Variants in SLIT2 observed in about 807,000 individuals in gnomAD.
SLIT2 encodes slit homolog 2 protein.
A neutral mutation model predicts 185.7 loss-of-function variants in SLIT2; 41 were observed. The observed-to-expected ratio is 0.22, with a 90% CI of 0.17 to 0.29. SLIT2 has a LOEUF of 0.29. Among genes scored for constraint, SLIT2 ranks in the 10% least tolerant of loss-of-function variants. The probability of loss-of-function intolerance (pLI) is 1.00; values close to 1 mark genes in which losing one functional copy is unlikely to be tolerated. For synonymous variants in SLIT2, 693 were observed against 680.2 expected, an observed-to-expected ratio of 1.02 and a Z score of -0.29; for missense variants, 1,571 against 1,909.0, an observed-to-expected ratio of 0.82 and a Z score of 3.30.
chr4:20,255,228 C>T (rs1229944207), intron 1 of SLIT2, among the ~76,000 whole-genome samples: 1 of 152,178 alleles, frequency 6.6e-6, no homozygotes, highest in African/African-American at 2.4e-5. Flanking sequence ...CGCTCTGACC[C>T]GCACGTCTCC....
chr4:20,514,537 C>CA (rs1720028142), intron 11 of SLIT2, among the ~76,000 whole-genome samples: 4 of 152,080 alleles, frequency 2.6e-5, no homozygotes, highest in Non-Finnish European at 4.4e-5. Context: ...CCCAGCTACT[C>CA]GGAGAGTTGA....
chr4:20,442,543 A>AAG (rs1491362484), intron 4 of SLIT2, among the ~76,000 whole-genome samples: 6 of 125,630 alleles, frequency 4.8e-5, no homozygotes, highest in African/African-American at 9.6e-5. Context: ...AAAAAAAAAA[A>AAG]GGGGGGGGAG....
chr4:20,280,511 TG>T (rs1714647464), intron 4 of SLIT2, among the ~76,000 whole-genome samples: 1 of 152,090 alleles, frequency 6.6e-6, no homozygotes, highest in African/African-American at 2.4e-5. Context: ...AGAGGGACCT[TG>T]CCCAATGTGT....
intron 4 of SLIT2, among the ~76,000 whole-genome samples, chr4:20,336,324 A>G (rs1720493450): frequency 6.6e-6 from 1 of 152,236 alleles, no homozygotes; most frequent in Non-Finnish European, 1.5e-5. Context: ...AATGTGGCAC[A>G]TATACACCAT....
intron 20 of SLIT2, 67 bp from the exon 21 acceptor site, chr4:20,542,427 A>G (rs974002174): frequency 4.9e-5 from 73 of 1,504,526 alleles, no homozygotes; most frequent in Non-Finnish European, 3.2e-5. Flanking sequence ...ATTTAAAGGC[A>G]TAAAATCCCT....
At chr4:20,584,942 C>A (rs1485437931) in intron 29 of SLIT2, among the ~76,000 whole-genome samples, 1 of 152,038 alleles carries the variant, frequency 6.6e-6, no homozygotes, top group Non-Finnish European at 1.5e-5. Context: ...GTAATCCCAG[C>A]TACTCAGGAG....
chr4:20,378,264 A>G (rs548489294), intron 4 of SLIT2, among the ~76,000 whole-genome samples: 4 of 152,320 alleles, frequency 2.6e-5, no homozygotes, highest in African/African-American at 9.6e-5. Context: ...CATAATAGAA[A>G]AAAATAATGT....
At chr4:20,551,602 C>T (rs978128585) in intron 25 of SLIT2, among the ~76,000 whole-genome samples, 2 of 152,120 alleles carry the variant, frequency 1.3e-5, no homozygotes, top group Non-Finnish European at 2.9e-5. Context: ...GTTCAGCCAG[C>T]AGCCTTAGGA....
chr4:20,340,958 C>T (rs576858315), intron 4 of SLIT2, among the ~76,000 whole-genome samples: 3 of 152,080 alleles, frequency 2.0e-5, no homozygotes, highest in Middle Eastern at 6.8e-3. Context: ...AAAAGAAAGA[C>T]GGAATGAGGA....
At chr4:20,381,913 T>TTA (rs375538520) in intron 4 of SLIT2, among the ~76,000 whole-genome samples, 3 of 129,928 alleles carry the variant, frequency 2.3e-5, no homozygotes, top group South Asian at 6.0e-4. Context: ...ACATATGTAT[T>TTA]TGTATAAATA....
intron 9 of SLIT2, among the ~76,000 whole-genome samples, chr4:20,495,550 T>C (rs559207060): frequency 1.3e-5 from 2 of 152,370 alleles, no homozygotes; most frequent in South Asian, 4.1e-4. Context: ...GATTTTCTTC[T>C]ACTTTGTATG....
At chr4:20,416,062 G>C (rs1184029132) in intron 4 of SLIT2, among the ~76,000 whole-genome samples, 1 of 152,104 alleles carries the variant, frequency 6.6e-6, no homozygotes, top group Non-Finnish European at 1.5e-5. Context: ...TAGATTTTAT[G>C]TGTATAAATC....
intron 11 of SLIT2, among the ~76,000 whole-genome samples, chr4:20,511,587 A>ATTTTTTTTTTTTTTTTTTTTTTTTT (rs759622666): frequency 6.1e-5 from 5 of 82,208 alleles, no homozygotes; most frequent in East Asian, 4.5e-4. Flanking sequence ...CATCCAGCTA[A>ATTTTTTTTTTTTTTTTTTTTTTTTT]TTTTTTTTTT....
At chr4:20,581,932 A>G (rs1249555778) in intron 29 of SLIT2, among the ~76,000 whole-genome samples, 1 of 152,168 alleles carries the variant, frequency 6.6e-6, no homozygotes, top group African/African-American at 2.4e-5. Context: ...TTTTTAGTAG[A>G]GACGGGGTTT....
chr4:20,270,322 A>G (rs1713471386), intron 4 of SLIT2, among the ~76,000 whole-genome samples: 1 of 151,900 alleles, frequency 6.6e-6, no homozygotes, highest in Non-Finnish European at 1.5e-5. Context: ...AATTTCCCCC[A>G]GTTTAAGGTG....
intron 29 of SLIT2, 55 bp downstream of exon 29, chr4:20,569,059 C>T: frequency 7.1e-7 from 1 of 1,408,776 alleles, no homozygotes; most frequent in South Asian, 1.2e-5. Context: ...TTGAAAGCAT[C>T]ATTGGAACTA....
intron 4 of SLIT2, among the ~76,000 whole-genome samples, chr4:20,433,488 A>G (rs1729133890): frequency 1.3e-5 from 2 of 152,204 alleles, no homozygotes; most frequent in South Asian, 2.1e-4. Context: ...TAGGCTGCAC[A>G]GTGTTGGACA....
intron 4 of SLIT2, among the ~76,000 whole-genome samples, chr4:20,382,388 A>C (rs2109345159): frequency 6.6e-6 from 1 of 152,302 alleles, no homozygotes; most frequent in East Asian, 1.9e-4. Flanking sequence ...AAAAAGAAGC[A>C]GTAGAGCCTT....
At chr4:20,457,899 C>T (rs535620869) in intron 4 of SLIT2, among the ~76,000 whole-genome samples, 27 of 152,248 alleles carry the variant, frequency 1.8e-4, no homozygotes, top group Admixed American at 3.9e-4. Flanking sequence ...AGCATTTGAT[C>T]TTCATGGGAA....
Sources: allele counts gnomAD v4.1 joint callset (sites outside exome capture counted in the v4.1 genomes callset), GRCh38; gene constraint gnomAD v4.1.1; transcripts MANE v1.5; gene names NCBI Gene and HGNC (gene_info 2026-07-23, HGNC 2026-07-21).